Variants in MYLK4 observed in about 807,000 individuals in gnomAD.
MYLK4 encodes caMLCK like.
A neutral mutation model predicts 48.1 loss-of-function variants in MYLK4; 46 were observed. The ratio of observed to expected loss-of-function variants is 0.96; its 90% CI spans 0.75 to 1.22. The LOEUF is 1.22. Among genes scored for constraint, MYLK4 ranks in the 50% most tolerant of loss-of-function variants. The pLI, the probability that MYLK4 is intolerant of heterozygous loss-of-function variation, is 0.00. For missense variants in MYLK4, 451 were observed against 486.1 expected, an observed-to-expected ratio of 0.93 and a Z score of 0.68; for synonymous variants, 170 against 180.8, an observed-to-expected ratio of 0.94 and a Z score of 0.48.
intron 7 of MYLK4, among the ~76,000 whole-genome samples, chr6:2,680,958 G>A (rs2113119148): frequency 6.6e-6 from 1 of 152,266 alleles, no homozygotes; most frequent in South Asian, 2.1e-4. Flanking sequence ...TGACAGTCTT[G>A]GGGTGCAGGG....
In MYLK4 at chr6:2,749,424, A is replaced by G. The variant is rs989194459; in HGVS notation, c.-112-18T>C. ...TCTCTTGACTGCAAAGAAAGGAAAC[A>G]CAAAAAGTTCTCATCACGTATTCAT... On this transcript the variant is annotated intron_variant, in intron 1 of 12. Coordinates refer to ENST00000274643, the MANE Select transcript of MYLK4 (RefSeq NM_001012418.5). 4 of 716,630 alleles carry G rather than the reference A, an allele frequency of 5.6e-6. No homozygotes were observed. The highest frequency in any genetic ancestry group is 5.2e-5 in the African/African-American group (3 of 57,144). 44.4% of individuals were successfully genotyped at this position (716,630 alleles called of 1,614,324 possible). A position where few individuals can be genotyped will look rare whatever the true frequency, so the allele number is the denominator to read the frequency against.
chr6:2,683,602 T>G (rs955224924), intron 6 of MYLK4, among the ~76,000 whole-genome samples: 4 of 152,224 alleles, frequency 2.6e-5, no homozygotes, highest in African/African-American at 2.4e-5. Context: ...GTATTTTTAG[T>G]AGAGATGGGT....
chr6:2,715,799 G>A (rs1762845500), intron 2 of MYLK4, among the ~76,000 whole-genome samples: 1 of 152,334 alleles, frequency 6.6e-6, no homozygotes, highest in East Asian at 1.9e-4. Context: ...TATGGAATAT[G>A]AAAGGGTTTT....
chr6:2,721,872 C>CA (rs1051623014), intron 2 of MYLK4, among the ~76,000 whole-genome samples: 5 of 152,262 alleles, frequency 3.3e-5, no homozygotes, highest in African/African-American at 9.6e-5. Context: ...AGCTAGAAGA[C>CA]AATAGAAAAC....
At position 2,712,625 on chromosome 6, in the gene MYLK4, C is replaced by A. The variant is rs146393294; in HGVS notation, c.160-19766G>T. On this transcript the variant is annotated intron_variant, in intron 2 of 12. Coordinates refer to ENST00000274643, the MANE Select transcript of MYLK4 (RefSeq NM_001012418.5). Reference sequence around the variant, plus strand: ...GCTAAGCAGAATCAAACAAACAGAACCTCCAACGATTTTGAGGTACACTAA... The same window carrying A: ...GCTAAGCAGAATCAAACAAACAGAAACTCCAACGATTTTGAGGTACACTAA... Among the ~76,000 whole-genome samples, 639 of 152,258 alleles carry A rather than the reference C, an allele frequency of 4.2e-3. 7 individuals are homozygous for A. The highest frequency in any genetic ancestry group is 0.015 in the African/African-American group (609 of 41,544).
Position 2,699,405 on chromosome 6 carries a change from C to T in MYLK4, c.160-6546G>A, listed in dbSNP as rs1344270487. 2.0e-5 allele frequency among the ~76,000 whole-genome samples: 3 copies of T among 148,018 alleles called. No homozygotes were observed. In the East Asian group the frequency reaches 6.0e-4, roughly 30 times the overall value. On this transcript the variant is annotated intron_variant, in intron 2 of 12. Transcript: ENST00000274643. ...CTCCCGAGTTCAAGCAATTCTCTGC[C>T]TCAGCTTCTCCAGTAGCTGGGATTA...
chr6:2,706,375 C>T (rs1161947125), intron 2 of MYLK4, among the ~76,000 whole-genome samples: 4 of 151,622 alleles, frequency 2.6e-5, no homozygotes, highest in Non-Finnish European at 5.9e-5. Flanking sequence ...GAAAAAAAAC[C>T]CCACAAAAGA....
chr6:2,766,162 G>C, the MYLK4 span: 3 of 1,333,312 alleles, frequency 2.3e-6, no homozygotes, highest in Middle Eastern at 2.8e-4. Context: ...ACGCGGACGC[G>C]GACGGCGAGG....
intron 2 of MYLK4, among the ~76,000 whole-genome samples, chr6:2,703,532 G>A (rs1370779162): frequency 6.6e-6 from 1 of 152,116 alleles, no homozygotes; most frequent in East Asian, 1.9e-4. Context: ...CTGGGTTGAA[G>A]CCCAAGGACA....
At position 2,683,054 on chromosome 6, in the gene MYLK4, C is replaced by G. The variant is rs1301862623; in HGVS notation, c.654G>C (p.Met218Ile). ...MKQICEGIRH[M>I]HQMYILHLDL... is the part of the protein sequence containing the mutation. ...CCAAGTGGAGAATGTACATCTGATG[C>G]ATGTGCCTTATCCCCTCACATATCT... The change falls in exon 7 of 13, where the codon ATG (methionine) becomes ATC (isoleucine). Residue 218 changes from methionine to isoleucine, a missense_variant. Coordinates refer to ENST00000274643, the MANE Select transcript of MYLK4 (RefSeq NM_001012418.5). The G allele has an allele frequency of 6.2e-7, 1 of 1,614,062 alleles. No individual in the cohort carries two copies. Among genetic ancestry groups the G allele is most frequent in the African/African-American group, 1.3e-5 (1 of 74,910 alleles).
At chr6:2,758,675 A>C in the MYLK4 span, among the ~76,000 whole-genome samples, 1 of 152,016 alleles carries the variant, frequency 6.6e-6, no homozygotes, top group Non-Finnish European at 1.5e-5. Context: ...TTACATGTGC[A>C]CTCTAAATAT....
intron 2 of MYLK4, among the ~76,000 whole-genome samples, chr6:2,727,463 A>G (rs914418128): frequency 6.6e-6 from 1 of 152,116 alleles, no homozygotes; most frequent in African/African-American, 2.4e-5. Flanking sequence ...CCCTGCCCCC[A>G]TGCACAAGTG....
At chr6:2,710,336 A>G (rs1762630556) in intron 2 of MYLK4, among the ~76,000 whole-genome samples, 1 of 152,200 alleles carries the variant, frequency 6.6e-6, no homozygotes, top group African/African-American at 2.4e-5. Flanking sequence ...GTGTCTTATT[A>G]GAAATTTACA....
At chr6:2,684,779 G>A (rs1356308679) in intron 6 of MYLK4, among the ~76,000 whole-genome samples, 1 of 152,210 alleles carries the variant, frequency 6.6e-6, no homozygotes, top group Non-Finnish European at 1.5e-5. Context: ...GCCATTTTAT[G>A]TCAGGAACTT....
chr6:2,741,202 G>A (rs1339457872), intron 2 of MYLK4, among the ~76,000 whole-genome samples: 1 of 152,112 alleles, frequency 6.6e-6, no homozygotes, highest in East Asian at 1.9e-4. Context: ...ATAGATAAAT[G>A]TGCCTTTTAT....
In MYLK4 at chr6:2,683,137, G is replaced by A. The variant is rs1227482054; in HGVS notation, c.571C>T (p.Arg191Cys). The change falls in exon 7 of 13, where the codon CGC becomes TGC. Residue 191 changes from arginine (R) to cysteine (C), a missense_variant. By Grantham distance (180) the Arg-to-Cys change is radical (BLOSUM62 -3). Transcript: ENST00000274643. The part of the protein sequence containing the change: ...EYVDGGELFD[R>C]IIDESYNLTE... ...AAATTGTAGCTCTCATCGATGATGC[G>A]GTCAAACAGCTCCCCACCATCCACA... 21 of 1,613,908 alleles carry A rather than the reference G, an allele frequency of 1.3e-5. No homozygotes were observed. Among genetic ancestry groups the A allele is most frequent in the African/African-American group, 6.7e-5 (5 of 74,866 alleles).
the MYLK4 span, chr6:2,770,052 A>G: frequency 1.2e-5 from 19 of 1,596,958 alleles, no homozygotes; most frequent in African/African-American, 2.7e-5. Flanking sequence ...GGGATAGCCA[A>G]CTTACATAGG....
intron 2 of MYLK4, among the ~76,000 whole-genome samples, chr6:2,737,981 T>TG (rs1215590689): frequency 1.1e-4 from 3 of 27,690 alleles, no homozygotes; most frequent in African/African-American, 2.2e-4. Context: ...CGGGGGCGGG[T>TG]GGGGGGGGGG....
chr6:2,692,883 TG>T, intron 2 of MYLK4, 24 bp from the exon 3 acceptor site: 1 of 1,605,164 alleles, frequency 6.2e-7, no homozygotes, highest in Non-Finnish European at 8.5e-7. Flanking sequence ...ATTGAGTAAT[TG>T]AAGTTACATA....
Sources: allele counts gnomAD v4.1 joint callset (sites outside exome capture counted in the v4.1 genomes callset), GRCh38; gene constraint gnomAD v4.1.1; transcripts MANE v1.5; gene names NCBI Gene and HGNC (gene_info 2026-07-23, HGNC 2026-07-21).